The following ZNF678 variants were observed in gnomAD, a reference collection of about 807,000 sequenced individuals.
ZNF678 encodes zinc finger protein 678.
A neutral mutation model predicts 3.0 loss-of-function variants in ZNF678; 5 were observed. That is an observed-to-expected ratio of 1.69 (90% CI 0.88 to 3.56). The LOEUF is 3.56. Among genes scored for constraint, ZNF678 ranks in the 30% most tolerant of loss-of-function variants. The pLI, the probability that ZNF678 is intolerant of heterozygous loss-of-function variation, is 0.00. For missense variants in ZNF678, 593 were observed against 605.0 expected (o/e 0.98, Z 0.21); for synonymous variants, 218 against 199.6 (o/e 1.09, Z -0.78).
chr1:227,609,918 A>G (rs1404329174), intron 1 of ZNF678, among the ~76,000 whole-genome samples: 1 of 152,112 alleles, frequency 6.6e-6, no homozygotes, highest in African/African-American at 2.4e-5. Context: ...TATTTTTAGT[A>G]CAGACAGGGT....
chr1:227,638,041 T>C lies in ZNF678; in HGVS notation c.-163-8503T>C, dbSNP rs1360291928. ...AGATTGTTAACATATTGAAGGAGAG[T>C]GGACGGTTTTAGGGATAAGGTAGAG... is the stretch of plus-strand genomic sequence containing the variant. On this transcript the variant is annotated intron_variant, in intron 1 of 3. Coordinates refer to ENST00000343776, the MANE Select transcript of ZNF678 (RefSeq NM_001367909.1). The surrounding 1 kb of genome is among the most constrained non-coding windows in gnomAD (Gnocchi z 4.2). 6.6e-6 allele frequency among the ~76,000 whole-genome samples: 1 copy of C among 150,812 alleles called. No homozygotes were observed. Among genetic ancestry groups the C allele is most frequent in the African/African-American group, 2.4e-5 (1 of 40,932 alleles).
intron 1 of ZNF678, among the ~76,000 whole-genome samples, chr1:227,609,020 G>A (rs1657948509): frequency 6.6e-6 from 1 of 151,890 alleles, no homozygotes; most frequent in Admixed American, 6.6e-5. Context: ...CAGAATAAAG[G>A]TTCAGAAAAA....
At position 227,657,653 on chromosome 1, in the gene ZNF678, A is replaced by G. The variant is rs892601091; in HGVS notation, c.*1825A>G. On this transcript the variant is annotated 3_prime_UTR_variant, in exon 4 of 4. Transcript: ENST00000343776. ...ATACATACATTTAGTTTTGATTAAC[A>G]TGGAGTTAATTTTATAAGTCTGTCA... 2 of 151,996 alleles carry G rather than the reference A, an allele frequency of 1.3e-5. No homozygotes were observed. The highest frequency in any genetic ancestry group is 4.8e-5 in the African/African-American group (2 of 41,416). The allele number at this position is 151,996 out of a possible 1,614,324, so 9.4% of individuals were successfully genotyped here.
intron 2 of ZNF678, among the ~76,000 whole-genome samples, chr1:227,647,941 C>T (rs1022916882): frequency 4.6e-5 from 7 of 152,226 alleles, no homozygotes; most frequent in African/African-American, 1.7e-4. Context: ...ACACCACAAA[C>T]ATGTTGTATT....
chr1:227,639,313 G>C (rs937532259), intron 1 of ZNF678, among the ~76,000 whole-genome samples: 1 of 152,232 alleles, frequency 6.6e-6, no homozygotes, highest in African/African-American at 2.4e-5. Flanking sequence ...GCCCCTGATG[G>C]CAGAGGCAAG....
intron 1 of ZNF678, among the ~76,000 whole-genome samples, chr1:227,609,814 A>T (rs932276591): frequency 6.6e-6 from 1 of 151,712 alleles, no homozygotes; most frequent in Non-Finnish European, 1.5e-5. Flanking sequence ...GCTCACTGCA[A>T]CCTCTGCCTC....
At chr1:227,592,494 A>G (rs917203740) in intron 1 of ZNF678, among the ~76,000 whole-genome samples, 1 of 152,184 alleles carries the variant, frequency 6.6e-6, no homozygotes, top group Non-Finnish European at 1.5e-5. Context: ...TCTGACACAT[A>G]GGGTGTAAAG....
chr1:227,573,555 T>C lies in ZNF678; in HGVS notation c.-164+9831T>C, dbSNP rs556300940. Among the ~76,000 whole-genome samples the C allele has an allele frequency of 2.0e-5, 3 of 152,372 alleles. No homozygotes were observed. In the South Asian group the frequency reaches 6.2e-4, roughly 32 times the overall value. On this transcript the variant is annotated intron_variant, in intron 1 of 3. Transcript: ENST00000343776. ...TGCTCTTTACATTATACCTAACATA[T>C]ATAAGGGTTTTTGACTCACACAAAT... is the stretch of plus-strand genomic sequence containing the variant.
chr1:227,671,835 C>G (rs1279142255), intron 5 of ZNF678, among the ~76,000 whole-genome samples: 1 of 152,150 alleles, frequency 6.6e-6, no homozygotes, highest in Non-Finnish European at 1.5e-5. Flanking sequence ...GCCCTTATTT[C>G]CAAGGAGCTT....
At chr1:227,608,256 T>TA (rs1300610781) in intron 1 of ZNF678, among the ~76,000 whole-genome samples, 4 of 152,120 alleles carry the variant, frequency 2.6e-5, no homozygotes, top group African/African-American at 7.2e-5. Flanking sequence ...GCATTTGGGT[T>TA]AAGTAGAAAA....
chr1:227,580,720 G>A (rs962035547), intron 1 of ZNF678, among the ~76,000 whole-genome samples: 2 of 151,990 alleles, frequency 1.3e-5, no homozygotes, highest in South Asian at 2.1e-4. Context: ...ATCTGAGGTC[G>A]GGAGTTCTAG....
chr1:227,599,705 GT>G (rs1464930311), intron 1 of ZNF678, among the ~76,000 whole-genome samples: 1 of 151,640 alleles, frequency 6.6e-6, no homozygotes, highest in Non-Finnish European at 1.5e-5. Context: ...ACTTTCTGTT[GT>G]TTATCAAATC....
intron 1 of ZNF678, among the ~76,000 whole-genome samples, chr1:227,568,404 GT>G (rs35920210): frequency 0.22 from 33,093 of 151,196 alleles, 3,965 homozygotes; most frequent in East Asian, 0.44. Flanking sequence ...TTTGTAATAG[GT>G]TAAAAAAAAA....
intron 1 of ZNF678, among the ~76,000 whole-genome samples, chr1:227,642,838 A>G (rs1658856188): frequency 6.6e-6 from 1 of 152,120 alleles, no homozygotes; most frequent in Non-Finnish European, 1.5e-5. Flanking sequence ...TGGTACCTAG[A>G]TGGGAGTTTC....
intron 1 of ZNF678, among the ~76,000 whole-genome samples, chr1:227,613,727 C>G (rs1424908808): frequency 1.3e-5 from 2 of 152,186 alleles, no homozygotes; most frequent in Non-Finnish European, 2.9e-5. Context: ...ATAGCCTGTG[C>G]AAACCCCTCC....
At chr1:227,577,412 T>C (rs1657013802) in intron 1 of ZNF678, among the ~76,000 whole-genome samples, 1 of 152,202 alleles carries the variant, frequency 6.6e-6, no homozygotes. Flanking sequence ...TATGAATCTG[T>C]GTGCTTCTGT....
At chr1:227,574,088 G>A (rs895555607) in intron 1 of ZNF678, among the ~76,000 whole-genome samples, 5 of 152,144 alleles carry the variant, frequency 3.3e-5, no homozygotes, top group Non-Finnish European at 5.9e-5. Flanking sequence ...GGGCATTTAG[G>A]TTGACTCCAT....
intron 1 of ZNF678, among the ~76,000 whole-genome samples, chr1:227,597,546 G>A (rs1159721318): frequency 6.6e-6 from 1 of 152,130 alleles, no homozygotes; most frequent in Non-Finnish European, 1.5e-5. Context: ...CCAAGCCAAA[G>A]TGTAATCAAA....
At chr1:227,650,116 A>C (rs1381718536) in intron 2 of ZNF678, among the ~76,000 whole-genome samples, 4 of 152,174 alleles carry the variant, frequency 2.6e-5, no homozygotes, top group Admixed American at 1.3e-4. Context: ...TTTTTAAAAT[A>C]TATTTTCTTC....
Sources: gnomAD v4.1 joint callset for allele counts (sites outside exome capture counted in the v4.1 genomes callset) on GRCh38, gnomAD v4.1.1 for gene constraint, Gnocchi (gnomAD v3.1) non-coding constraint, MANE v1.5 for transcripts, NCBI Gene and HGNC (gene_info 2026-07-23, HGNC 2026-07-21) for gene names.